REEP3: variants seen among roughly 807,000 people sequenced by gnomAD.
REEP3 encodes receptor accessory protein 3, also known as receptor expression-enhancing protein 3.
REEP3 carries 20 observed loss-of-function variants against 41.3 expected under a neutral mutation model. The ratio of observed to expected loss-of-function variants is 0.48; its 90% CI spans 0.34 to 0.70. REEP3 has a LOEUF of 0.70. Ranked by LOEUF, REEP3 falls within the 30% of genes least tolerant of loss-of-function variation. REEP3 has a pLI of 0.01. For missense variants in REEP3, 271 were observed against 308.8 expected, an observed-to-expected ratio of 0.88 and a Z score of 0.92; for synonymous variants, 104 against 101.8, an observed-to-expected ratio of 1.02 and a Z score of -0.13.
chr10:63,611,804 G>C (rs1247331018), intron 6 of REEP3, among the ~76,000 whole-genome samples: 2 of 148,756 alleles, frequency 1.3e-5, no homozygotes, highest in Admixed American at 6.7e-5. Flanking sequence ...TTTTTTATTA[G>C]CTGAGTATGG....
At chr10:63,606,370 T>G (rs201626085) in intron 5 of REEP3, among the ~76,000 whole-genome samples, 3 of 97,312 alleles carry the variant, frequency 3.1e-5, no homozygotes, top group African/African-American at 7.1e-5. Flanking sequence ...TTCTTTGTCT[T>G]TCTTTCTTTC....
chr10:63,561,494 T>C (rs566474705), intron 1 of REEP3, among the ~76,000 whole-genome samples: 9 of 152,196 alleles, frequency 5.9e-5, no homozygotes, highest in African/African-American at 2.2e-4. Flanking sequence ...GGAAACCATG[T>C]TGGAACAGAT....
At chr10:63,535,288 A>G (rs934880757) in intron 1 of REEP3, among the ~76,000 whole-genome samples, 3 of 152,174 alleles carry the variant, frequency 2.0e-5, no homozygotes, top group Non-Finnish European at 4.4e-5. Flanking sequence ...TCTTCCTGTT[A>G]AAAGACAGAC....
chr10:63,606,928 C>G (rs1956233892), intron 5 of REEP3, among the ~76,000 whole-genome samples: 1 of 152,148 alleles, frequency 6.6e-6, no homozygotes, highest in Non-Finnish European at 1.5e-5. Flanking sequence ...TGCATACTTG[C>G]AATCATATTA....
intron 1 of REEP3, among the ~76,000 whole-genome samples, chr10:63,523,983 A>T (rs1486449663): frequency 6.6e-6 from 1 of 152,126 alleles, no homozygotes; most frequent in Non-Finnish European, 1.5e-5. Context: ...CAGTTAAAGT[A>T]CTTGAGCTAC....
chr10:63,538,294 A>G (rs761142689), intron 1 of REEP3, among the ~76,000 whole-genome samples: 1 of 152,208 alleles, frequency 6.6e-6, no homozygotes, highest in Non-Finnish European at 1.5e-5. Context: ...TTTCACAGCA[A>G]TTCCCCATAA....
intron 2 of REEP3, among the ~76,000 whole-genome samples, chr10:63,593,947 T>C (rs1365994834): frequency 6.6e-6 from 1 of 152,162 alleles, no homozygotes; most frequent in Admixed American, 6.5e-5. Context: ...TATGGCTGCA[T>C]CATTAATAGA....
intron 1 of REEP3, among the ~76,000 whole-genome samples, chr10:63,530,543 A>G (rs901782561): frequency 2.6e-5 from 4 of 152,232 alleles, no homozygotes; most frequent in African/African-American, 9.6e-5. Flanking sequence ...TCTTTCATTA[A>G]GAAAGAAAAC....
At chr10:63,588,224 T>C (rs1956025730) in intron 2 of REEP3, among the ~76,000 whole-genome samples, 1 of 152,226 alleles carries the variant, frequency 6.6e-6, no homozygotes, top group Admixed American at 6.5e-5. Flanking sequence ...CCTTTCTATC[T>C]GTCCCAGAGG....
intron 1 of REEP3, among the ~76,000 whole-genome samples, chr10:63,555,551 C>G (rs958081594): frequency 2.0e-5 from 3 of 152,168 alleles, no homozygotes; most frequent in African/African-American, 7.2e-5. Context: ...CTTTGCACTA[C>G]TTGTAACCAT....
At chr10:63,542,118 T>A (rs1157590268) in intron 1 of REEP3, among the ~76,000 whole-genome samples, 1 of 151,552 alleles carries the variant, frequency 6.6e-6, no homozygotes, top group Non-Finnish European at 1.5e-5. Context: ...CTCACTCTGT[T>A]GCCCAGGCTG....
In REEP3 at chr10:63,599,723, A is replaced by G. The variant is rs1447728370; in HGVS notation, c.417+440A>G. On this transcript the variant is annotated intron_variant, in intron 5 of 7. Transcript: ENST00000373758. ...TTCAATCAATTTGAGGTAACCGATT[A>G]TTCAAAATAAGGCATGAAAAAGTCT... The G allele has an allele frequency of 9.2e-6, 9 of 981,078 alleles. No individual in the cohort carries two copies. In the Admixed American group the frequency reaches 5.5e-4, roughly 60 times the overall value. 60.8% of individuals were successfully genotyped at this position (981,078 alleles called of 1,614,324 possible).
At chr10:63,534,706 T>G (rs747172566) in intron 1 of REEP3, among the ~76,000 whole-genome samples, 4 of 152,216 alleles carry the variant, frequency 2.6e-5, no homozygotes, top group Non-Finnish European at 5.9e-5. Flanking sequence ...TTAACTAAAA[T>G]AGCTCACCTA....
chr10:63,543,469 T>C (rs1386497560), intron 1 of REEP3, among the ~76,000 whole-genome samples: 1 of 151,920 alleles, frequency 6.6e-6, no homozygotes, highest in Admixed American at 6.6e-5. Context: ...TTAAGTTTTT[T>C]TTTTTTTTTT....
rs754362568 is a variant in REEP3, at chr10:63,620,877, C to T, written c.*8C>T. On this transcript the variant is annotated 3_prime_UTR_variant, in exon 8 of 8. Coordinates refer to ENST00000373758, the MANE Select transcript of REEP3 (RefSeq NM_001001330.3). ...CCACAAGTGTATTTTTAGTCATCTA[C>T]ACGTCAAATATCCCAAGACAGATTA... is the stretch of plus-strand genomic sequence containing the variant. 4.4e-6 allele frequency: 7 copies of T among 1,588,262 alleles called. No homozygotes were observed. The African/African-American group carries it at 8.1e-5, about 18-fold the overall frequency.
At chr10:63,609,320 T>C (rs201791932) in intron 5 of REEP3, among the ~76,000 whole-genome samples, 8,072 of 151,344 alleles carry the variant, frequency 0.053, 367 homozygotes, top group African/African-American at 0.12. Flanking sequence ...GGCGTGGTGG[T>C]GGGCGCCTGT....
chr10:63,583,957 A>G (rs866799592), intron 2 of REEP3, among the ~76,000 whole-genome samples: 1 of 152,066 alleles, frequency 6.6e-6, no homozygotes, highest in African/African-American at 2.4e-5. Flanking sequence ...CATCTTTAAC[A>G]CTTCTTTTAA....
intron 7 of REEP3, 45 bp from the exon 8 acceptor site, chr10:63,620,768 A>G (rs756572643): frequency 3.1e-6 from 4 of 1,289,616 alleles, no homozygotes; most frequent in Admixed American, 4.3e-5. Context: ...GTAATTTTTT[A>G]AAGTAATCAT....
chr10:63,610,933 G>A (rs1382885217), intron 6 of REEP3, among the ~76,000 whole-genome samples: 5 of 152,150 alleles, frequency 3.3e-5, no homozygotes, highest in Admixed American at 6.5e-5. Flanking sequence ...TTAGCTGGGC[G>A]TGGTGGCACA....
Sources: allele counts gnomAD v4.1 joint callset (sites outside exome capture counted in the v4.1 genomes callset), GRCh38; gene constraint gnomAD v4.1.1; transcripts MANE v1.5; gene names NCBI Gene and HGNC (gene_info 2026-07-23, HGNC 2026-07-21).